Variants in CASTOR2 observed in about 807,000 individuals in gnomAD.
CASTOR2 encodes cytosolic arginine sensor for mTORC1 subunit 2.
CASTOR2 carries 8 observed loss-of-function variants against 31.2 expected under a neutral mutation model. The ratio of observed to expected loss-of-function variants is 0.26; its 90% confidence interval spans 0.15 to 0.46. CASTOR2 has a LOEUF of 0.46. CASTOR2 is among the 20% of genes least tolerant of loss of function. The pLI is 0.99. For synonymous variants in CASTOR2, 162 were observed against 158.7 expected (o/e 1.02, Z -0.16); for missense variants, 216 against 382.1 (o/e 0.57, Z 3.62).
chr7:75,004,292 A>G (rs34038236), intron 1 of CASTOR2, among the ~76,000 whole-genome samples: 16,082 of 152,236 alleles, frequency 0.11, 938 homozygotes, highest in Middle Eastern at 0.28. Context: ...GTGTCCAGGC[A>G]ATACTTGCAA....
intron 6 of CASTOR2, among the ~76,000 whole-genome samples, chr7:75,021,615 C>T (rs1171518758): frequency 6.6e-6 from 1 of 152,114 alleles, no homozygotes; most frequent in Non-Finnish European, 1.5e-5. Context: ...TCTAGACCAG[C>T]CTTAGCAAGG....
chr7:75,024,198 G>A (rs1234999600), intron 7 of CASTOR2, among the ~76,000 whole-genome samples: 1 of 152,202 alleles, frequency 6.6e-6, no homozygotes, highest in Non-Finnish European at 1.5e-5. Context: ...GCTGAGGCAC[G>A]AGGATTGCTT....
intron 1 of CASTOR2, among the ~76,000 whole-genome samples, chr7:75,006,003 G>A (rs1327133386): frequency 2.6e-5 from 4 of 152,296 alleles, no homozygotes; most frequent in Non-Finnish European, 2.9e-5. Context: ...GGTGGTGGGC[G>A]CCTGTAAGCC....
chr7:74,975,038 G>A (rs1368279796), intron 1 of CASTOR2, among the ~76,000 whole-genome samples: 3 of 148,402 alleles, frequency 2.0e-5, no homozygotes, highest in Non-Finnish European at 3.0e-5. Context: ...GCACGATCTC[G>A]GCTCACTGCA....
intron 1 of CASTOR2, among the ~76,000 whole-genome samples, chr7:75,007,692 C>T (rs1347628373): frequency 3.3e-5 from 5 of 152,126 alleles, no homozygotes; most frequent in African/African-American, 7.2e-5. Flanking sequence ...TTCTTCCCTC[C>T]GAGAAAACTT....
At chr7:75,004,142 A>C (rs1804558732) in intron 1 of CASTOR2, among the ~76,000 whole-genome samples, 1 of 152,104 alleles carries the variant, frequency 6.6e-6, no homozygotes, top group Non-Finnish European at 1.5e-5. Context: ...GTACCAGCTC[A>C]TGGCAGTCTG....
rs1395529892 is a variant in CASTOR2, at chr7:74,975,960, C to A, written c.113+10862C>A. 1.3e-5 allele frequency among the ~76,000 whole-genome samples: 2 copies of A among 150,144 alleles called. 1 individual carries two copies. The highest frequency in any genetic ancestry group is 1.3e-4 in the Admixed American group (2 of 14,896). ...GGAACTGAGGCATCCCACCCCCAAC[C>A]GGCAGAGCGGGGCTTTGAAAACAGA... On this transcript the variant is annotated intron_variant, in intron 1 of 8. Transcript: ENST00000616305.
At position 75,019,044 on chromosome 7, in the gene CASTOR2, C is replaced by T. The variant is rs1352843321; in HGVS notation, c.584C>T (p.Thr195Met). The change falls in exon 5 of 9, where the codon ACG becomes ATG. Residue 195 changes from threonine (T) to methionine (M), a missense_variant. By Grantham distance (81) the Thr-to-Met change is moderately conservative. This residue lies in a region of CASTOR2 where 5 missense variants were observed against 31.3 expected (regional missense o/e 0.16). Transcript: ENST00000616305. Reference protein sequence around the residue: ...RFCVTSLDPDTLPAVATLLMD... With the variant: ...RFCVTSLDPDMLPAVATLLMD... ...TGTGTCACCAGCCTGGACCCTGACA[C>T]GCTGCCTGCTGTTGCCACACTCCTC... 23 of 1,551,814 alleles carry T rather than the reference C, an allele frequency of 1.5e-5. No homozygotes were observed. Among genetic ancestry groups the T allele is most frequent in the East Asian group, 2.4e-5 (1 of 40,934 alleles).
chr7:75,017,108 C>T (rs1476768099), intron 2 of CASTOR2, among the ~76,000 whole-genome samples: 1 of 152,136 alleles, frequency 6.6e-6, no homozygotes, highest in African/African-American at 2.4e-5. Context: ...GCCGAGATCG[C>T]GCCACTGCAC....
chr7:74,986,209 C>T (rs1804061757), intron 1 of CASTOR2, among the ~76,000 whole-genome samples: 3 of 148,994 alleles, frequency 2.0e-5, no homozygotes, highest in Non-Finnish European at 3.0e-5. Flanking sequence ...GGATGACAGG[C>T]GTAAGCTGCC....
chr7:75,011,351 C>G (rs1210608668), intron 2 of CASTOR2, among the ~76,000 whole-genome samples: 1 of 151,444 alleles, frequency 6.6e-6, no homozygotes, highest in Non-Finnish European at 1.5e-5. Flanking sequence ...ATCACCTGAA[C>G]CCACGAGGCA....
Position 75,030,051 on chromosome 7 carries a change from AGAGGCAG to A in CASTOR2, c.*5356_*5362del, listed in dbSNP as rs1805256922. Among the ~76,000 whole-genome samples, 5 of 152,374 alleles carry A rather than the reference AGAGGCAG, an allele frequency of 3.3e-5. No individual in the cohort carries two copies. In the South Asian group the frequency reaches 6.2e-4, roughly 19 times the overall value. On this transcript the variant is annotated 3_prime_UTR_variant, in exon 9 of 9. Transcript: ENST00000616305. Reference sequence around the variant, plus strand: ...AAGCCAGCCAGGAGCAGCCTGGAGCAGAGGCAGGAGCCTGAGGCCTGAGCCATGGCAT... The same window carrying A: ...AAGCCAGCCAGGAGCAGCCTGGAGCAGAGCCTGAGGCCTGAGCCATGGCAT...
rs1221967333 is a variant in CASTOR2 at position 74,972,676 on chromosome 7, TTTTGTTTG to T, written c.113+7590_113+7597del. Among the ~76,000 whole-genome samples the T allele has an allele frequency of 2.7e-5, 4 of 150,750 alleles. No individual in the cohort carries two copies. The East Asian group carries it at 5.9e-4, about 22-fold the overall frequency. On this transcript the variant is annotated intron_variant, in intron 1 of 8. Coordinates refer to ENST00000616305, the MANE Select transcript of CASTOR2 (RefSeq NM_001145064.3). The stretch of plus-strand genomic sequence containing the variant: ...GGTGAACACTAAAGTCTTTTGTTTT[TTTTGTTTG>T]TTTGTTTGTTTTTGAGACAGAGTCT...
intron 7 of CASTOR2, among the ~76,000 whole-genome samples, chr7:75,022,325 C>T (rs1430121098): frequency 5.3e-5 from 8 of 151,996 alleles, no homozygotes; most frequent in African/African-American, 1.9e-4. Flanking sequence ...GGAAACATAG[C>T]GAGGCCCTGT....
In CASTOR2 at chr7:75,004,320, C is replaced by T. The variant is rs1431330406; in HGVS notation, c.114-3674C>T. ...ACTTGCAAATTGGATATGGGACAGG[C>T]AGGGACTGAGACGTAATTTGAAAAC... On this transcript the variant is annotated intron_variant, in intron 1 of 8. Coordinates refer to ENST00000616305, the MANE Select transcript of CASTOR2 (RefSeq NM_001145064.3). Among the ~76,000 whole-genome samples the T allele has an allele frequency of 2.0e-5, 3 of 152,156 alleles. No homozygotes were observed. The East Asian group carries it at 5.8e-4, about 29-fold the overall frequency.
At chr7:74,990,667 C>A (rs1178039013) in intron 1 of CASTOR2, among the ~76,000 whole-genome samples, 3 of 152,090 alleles carry the variant, frequency 2.0e-5, no homozygotes, top group Non-Finnish European at 4.4e-5. Flanking sequence ...CCAGCCTGGC[C>A]AACATGGCAA....
At chr7:75,013,212 G>T (rs1320155819) in intron 2 of CASTOR2, among the ~76,000 whole-genome samples, 2 of 152,238 alleles carry the variant, frequency 1.3e-5, no homozygotes, top group Non-Finnish European at 2.9e-5. Flanking sequence ...GCCAGGGTGT[G>T]TGTTCACTGG....
At chr7:75,013,777 G>T (rs1179963078) in intron 2 of CASTOR2, among the ~76,000 whole-genome samples, 3 of 152,074 alleles carry the variant, frequency 2.0e-5, no homozygotes, top group Admixed American at 2.0e-4. Flanking sequence ...ACCCCGGTTG[G>T]AGTCCAGTGA....
At chr7:75,023,873 C>G (rs1329547776) in intron 7 of CASTOR2, among the ~76,000 whole-genome samples, 3 of 152,188 alleles carry the variant, frequency 2.0e-5, no homozygotes, top group Admixed American at 6.5e-5. Context: ...GGCCCCACCT[C>G]CAATACTTGA....
Sources: allele counts gnomAD v4.1 joint callset (sites outside exome capture counted in the v4.1 genomes callset), GRCh38; gene constraint gnomAD v4.1.1; regional missense constraint gnomAD v4.1.1; transcripts MANE v1.5; gene names NCBI Gene and HGNC (gene_info 2026-07-23, HGNC 2026-07-21).